Variants in CASP8 observed in about 807,000 individuals in gnomAD.
The protein encoded by CASP8 is caspase-8.
Under a neutral mutation model 46.3 loss-of-function variants are expected in CASP8, and 24 were observed. That is an observed-to-expected ratio of 0.52 (90% CI 0.38 to 0.73). The LOEUF is 0.73. CASP8 is among the 30% of genes least tolerant of loss of function. CASP8 has a pLI of 0.00. For synonymous variants in CASP8, 188 were observed against 200.4 expected (o/e 0.94, Z 0.52); for missense variants, 460 against 559.0 (o/e 0.82, Z 1.79).
At position 201,287,430 on chromosome 2, in the gene CASP8, TG is replaced by T. The variant is rs1949609758; in HGVS notation, c.*837del. On this transcript the variant is annotated 3_prime_UTR_variant, in exon 9 of 9. Coordinates refer to ENST00000673742, the MANE Select transcript of CASP8 (RefSeq NM_001372051.1). ...ATTTTTTTTTTAATAAAACAAAATT[TG>T]TTTGAAATCTTTTAAAAATTCAAAT... 6.5e-6 allele frequency: 1 copy of T among 154,620 alleles called. No homozygotes were observed. The highest frequency in any genetic ancestry group is 2.4e-5 in the African/African-American group (1 of 41,506). 9.6% of individuals were successfully genotyped at this position (154,620 alleles called of 1,614,324 possible).
At chr2:201,255,156 T>C (rs897377551) in intron 2 of CASP8, among the ~76,000 whole-genome samples, 2 of 152,202 alleles carry the variant, frequency 1.3e-5, no homozygotes, top group African/African-American at 4.8e-5. Context: ...TCATCTCGGC[T>C]CACTGCAACC....
intron 2 of CASP8, chr2:201,242,550 C>G (rs1339388790): frequency 6.6e-6 from 1 of 152,130 alleles, no homozygotes; most frequent in Non-Finnish European, 1.5e-5. Context: ...CAAATACCAA[C>G]ACATAGGGGA....
chr2:201,234,887 T>C lies in CASP8; in HGVS notation c.-27+775T>C, dbSNP rs529097105. ...GTTAAGTTCCTACTTATTATGAATT[T>C]ACTCTGCATGCCAGGAATTCTAAGA... On this transcript the variant is annotated intron_variant, in intron 2 of 6. Transcript: ENST00000264274. Among the ~76,000 whole-genome samples, 6 of 152,372 alleles carry C rather than the reference T, an allele frequency of 3.9e-5. No homozygotes were observed. The East Asian group carries it at 1.2e-3, about 29-fold the overall frequency.
intron 2 of CASP8, among the ~76,000 whole-genome samples, chr2:201,235,663 A>G (rs901004895): frequency 2.0e-5 from 3 of 152,210 alleles, no homozygotes; most frequent in African/African-American, 7.2e-5. Flanking sequence ...TGATTGATAT[A>G]CAACAAATGG....
At chr2:201,243,048 A>C (rs1946368088) in intron 2 of CASP8, 1 of 152,228 alleles carries the variant, frequency 6.6e-6, no homozygotes, top group East Asian at 1.9e-4. Context: ...AGAATCAAAG[A>C]GTGGAATGGT....
chr2:201,286,414 TG>T, intron 8 of CASP8, 44 bp from the exon 9 acceptor site: 1 of 1,600,964 alleles, frequency 6.2e-7, no homozygotes, highest in South Asian at 1.1e-5. Flanking sequence ...GTTCATCAGT[TG>T]CTTTCCCCCA....
chr2:201,237,375 G>A (rs189602183), intron 2 of CASP8, among the ~76,000 whole-genome samples: 14 of 146,592 alleles, frequency 9.6e-5, no homozygotes, highest in Non-Finnish European at 1.6e-4. Flanking sequence ...ACAGGCGTGA[G>A]CCACCTTGTC....
chr2:201,286,302 G>A (rs1949554129), intron 8 of CASP8, among the ~76,000 whole-genome samples, 157 bp from the exon 9 acceptor site: 1 of 152,180 alleles, frequency 6.6e-6, no homozygotes, highest in African/African-American at 2.4e-5. Context: ...CATTTACCAG[G>A]AAAGCTGGGG....
intron 2 of CASP8, among the ~76,000 whole-genome samples, chr2:201,235,013 A>G (rs992715416): frequency 9.9e-5 from 15 of 152,174 alleles, no homozygotes; most frequent in Non-Finnish European, 2.2e-4. Flanking sequence ...CACTAACAGA[A>G]TTGATTTTAT....
rs375197275 is a variant in CASP8, at chr2:201,261,584, T to A, written c.-27+971T>A. 2.0e-4 allele frequency among the ~76,000 whole-genome samples: 31 copies of A among 152,222 alleles called. 1 individual carries two copies. Among genetic ancestry groups the A allele is most frequent in the African/African-American group, 7.2e-4 (30 of 41,536 alleles). ...TGAGGTTTGGACACCTTTGCTGGGT[T>A]GTTTGAATGCCGTGGCTGCAGCGCC... On this transcript the variant is annotated intron_variant, in intron 1 of 8. Coordinates refer to ENST00000673742, the MANE Select transcript of CASP8 (RefSeq NM_001372051.1).
chr2:201,276,683 A>T, intron 6 of CASP8, 144 bp from the exon 7 acceptor site: 3 of 966,622 alleles, frequency 3.1e-6, no homozygotes, highest in Non-Finnish European at 3.2e-6. Context: ...TGAAGGAAAT[A>T]GGTAGAAACT....
chr2:201,248,533 T>C (rs917819231), intron 2 of CASP8, among the ~76,000 whole-genome samples: 4 of 152,234 alleles, frequency 2.6e-5, no homozygotes, highest in African/African-American at 9.7e-5. Context: ...GTTTTCACTT[T>C]GGTACTATTG....
chr2:201,234,095 A>G (rs1365326377), exon 2 of CASP8: 1 of 152,462 alleles, frequency 6.6e-6, no homozygotes, highest in Non-Finnish European at 1.5e-5. Context: ...TGGTCACTTG[A>G]ACCTTGGGAA....
intron 2 of CASP8, among the ~76,000 whole-genome samples, chr2:201,249,799 C>A (rs190033330): frequency 1.4e-3 from 210 of 152,296 alleles, no homozygotes; most frequent in Middle Eastern, 6.8e-3. Context: ...TCTCCCCTCC[C>A]CACACTTTCC....
At chr2:201,274,796 A>G (rs1948516799) in intron 5 of CASP8, 93 bp from the exon 6 acceptor site, 1 of 1,007,518 alleles carries the variant, frequency 9.9e-7, no homozygotes. Context: ...ATCTTAAAAA[A>G]GACCTTATGT....
rs1040017858 is a variant in CASP8 at position 201,247,653 on chromosome 2, A to AT, written c.-27+13550dup. Among the ~76,000 whole-genome samples, 111 of 141,376 alleles carry AT rather than the reference A, an allele frequency of 7.9e-4. 6 individuals are homozygous for AT. In the East Asian group the frequency reaches 0.022, roughly 27 times the overall value. The allele number at this position is 141,376 out of a possible 152,430, so 92.7% of individuals were successfully genotyped here. ...GCCACCATTCCTGGCTAATTCTTGT[A>AT]TTTTTTTTTGAGATGGAGTCTCGCT... On this transcript the variant is annotated intron_variant, in intron 2 of 6. Transcript: ENST00000264274.
intron 1 of CASP8, among the ~76,000 whole-genome samples, chr2:201,261,738 G>A (rs1947431759): frequency 6.6e-6 from 1 of 152,236 alleles, no homozygotes; most frequent in South Asian, 2.1e-4. Flanking sequence ...TTGGGCCTGA[G>A]AGCGAGTGGC....
In CASP8 at chr2:201,272,463, A is replaced by G. The variant is rs1229981139; in HGVS notation, c.412-175A>G. Among the ~76,000 whole-genome samples, 1 of 152,132 alleles carries G rather than the reference A, an allele frequency of 6.6e-6. No homozygotes were observed. The highest frequency in any genetic ancestry group is 2.4e-5 in the African/African-American group (1 of 41,428). ...CTTCTGTCTTTCTGGGCCAGAAAACATGGAATCGCTTCCCTAGTAGCCTGC... is the reference window on the plus strand; with the variant it reads ...CTTCTGTCTTTCTGGGCCAGAAAACGTGGAATCGCTTCCCTAGTAGCCTGC... On this transcript the variant is annotated intron_variant, in intron 3 of 8. Transcript: ENST00000673742. This position sits in a 1 kb window ranked among gnomAD's most constrained non-coding sequence, Gnocchi z 4.4.
Position 201,272,747 on chromosome 2 carries a change from T to C in CASP8, c.521T>C (p.Ile174Thr). 1 of 1,614,202 alleles carries C rather than the reference T, an allele frequency of 6.2e-7. No homozygotes were observed. Among genetic ancestry groups the C allele is most frequent in the South Asian group, 1.1e-5 (1 of 91,088 alleles). The change falls in exon 4 of 9, where the codon ATA (isoleucine) becomes ACA (threonine). Residue 174 changes from isoleucine (I) to threonine (T), a missense_variant. Physicochemically the swap from Ile to Thr is moderately conservative, Grantham distance 89. Transcript: ENST00000673742. This position sits in a 1 kb window ranked among gnomAD's most constrained non-coding sequence, Gnocchi z 4.4. The stretch of plus-strand genomic sequence containing the variant: ...CAAATCAACAAGAGCCTGCTGAAGA[T>C]AATCAACGACTATGAAGAATTCAGC... The part of the protein sequence containing the change: ...CAQINKSLLK[I>T]INDYEEFSKE...
Sources: gnomAD v4.1 joint callset for allele counts (sites outside exome capture counted in the v4.1 genomes callset) on GRCh38, gnomAD v4.1.1 for gene constraint, Gnocchi (gnomAD v3.1) non-coding constraint, MANE v1.5 for transcripts, NCBI Gene and HGNC (gene_info 2026-07-23, HGNC 2026-07-21) for gene names.